The following INSL6 variants were observed in gnomAD, a reference collection of about 807,000 sequenced individuals.
INSL6 encodes insulin like 6, also known as insulin-like peptide INSL6.
INSL6 carries 16 observed loss-of-function variants against 9.4 expected under a neutral mutation model. That is an observed-to-expected ratio of 1.70 (90% confidence interval 1.15 to 2.59). The LOEUF (loss-of-function observed/expected upper bound fraction) is 2.59. Among genes scored for constraint, INSL6 ranks in the 30% most tolerant of loss-of-function variants. The pLI, the probability that INSL6 is intolerant of heterozygous loss-of-function variation, is 0.00. For missense variants in INSL6, 391 were observed against 257.3 expected (o/e 1.52, Z -3.56); for synonymous variants, 154 against 96.9 (o/e 1.59, Z -3.46).
chr9:5,047,675 G>C, the INSL6 span, among the ~76,000 whole-genome samples: 1 of 152,136 alleles, frequency 6.6e-6, no homozygotes, highest in Non-Finnish European at 1.5e-5. Flanking sequence ...TATAGAGATT[G>C]AACTCCTGGG....
chr9:5,097,631 T>A, the INSL6 span: 1 of 147,938 alleles, frequency 6.8e-6, no homozygotes, highest in African/African-American at 2.7e-5. Context: ...TTTAGCTGAT[T>A]AGCTACACTG....
chr9:5,086,096 A>G, the INSL6 span: 2 of 575,376 alleles, frequency 3.5e-6, no homozygotes, highest in Non-Finnish European at 6.5e-6. Flanking sequence ...CCTTCTGCCT[A>G]TGAGCCTGCG....
chr9:5,156,419 C>G (rs923730457), intron 2 of INSL6, among the ~76,000 whole-genome samples: 1 of 152,040 alleles, frequency 6.6e-6, no homozygotes, highest in African/African-American at 2.4e-5. Flanking sequence ...GATGCAAAAC[C>G]CCATTCCTAT....
downstream of INSL6, among the ~76,000 whole-genome samples, chr9:5,121,148 T>C (rs1209857803): frequency 6.6e-6 from 1 of 151,976 alleles, no homozygotes; most frequent in African/African-American, 2.4e-5. Context: ...GAAAACAAAA[T>C]CTTCCAACCC....
chr9:5,111,763 T>C, the INSL6 span: 1 of 422,290 alleles, frequency 2.4e-6, no homozygotes, highest in Non-Finnish European at 4.7e-6. Flanking sequence ...AAGTGAACGG[T>C]GGGCTTCCGG....
the INSL6 span, among the ~76,000 whole-genome samples, chr9:5,084,231 G>C: frequency 6.6e-6 from 1 of 152,072 alleles, no homozygotes; most frequent in African/African-American, 2.4e-5. Context: ...TCATTAGTCA[G>C]TCATAGATAT....
chr9:5,014,737 T>G, the INSL6 span, among the ~76,000 whole-genome samples: 1 of 152,334 alleles, frequency 6.6e-6, no homozygotes, highest in African/African-American at 2.4e-5. Context: ...AGAATAGATG[T>G]AACTTATATG....
At chr9:5,175,240 A>G (rs1293944060) in intron 1 of INSL6, among the ~76,000 whole-genome samples, 1 of 152,038 alleles carries the variant, frequency 6.6e-6, no homozygotes, top group Admixed American at 6.5e-5. Flanking sequence ...GCGTCTGGCC[A>G]TGGAGTCATT....
chr9:5,128,598 T>A (rs1824154020), intron 3 of INSL6, among the ~76,000 whole-genome samples: 1 of 151,926 alleles, frequency 6.6e-6, no homozygotes, highest in African/African-American at 2.4e-5. Context: ...GAACTAACTT[T>A]TCTTAAACAT....
chr9:5,025,401 A>G, the INSL6 span, among the ~76,000 whole-genome samples: 1 of 152,110 alleles, frequency 6.6e-6, no homozygotes, highest in Non-Finnish European at 1.5e-5. Context: ...CTCAAATATA[A>G]ATCTTGTCTG....
At chr9:5,021,771 C>T in the INSL6 span, among the ~76,000 whole-genome samples, 105 of 152,270 alleles carry the variant, frequency 6.9e-4, no homozygotes, top group African/African-American at 1.7e-3. Flanking sequence ...ACTACAAGTG[C>T]GTGCTGCCAC....
the INSL6 span, among the ~76,000 whole-genome samples, chr9:5,000,289 G>A: frequency 1.3e-5 from 2 of 152,016 alleles, no homozygotes; most frequent in African/African-American, 4.8e-5. Context: ...TTTTGGTATA[G>A]AAATAACTGA....
intron 2 of INSL6, among the ~76,000 whole-genome samples, chr9:5,157,877 G>C (rs772935534): frequency 6.6e-6 from 1 of 151,990 alleles, no homozygotes; most frequent in Non-Finnish European, 1.5e-5. Flanking sequence ...AATCCCACAG[G>C]GATAGAGTTA....
At chr9:5,033,024 G>C in the INSL6 span, among the ~76,000 whole-genome samples, 1 of 152,134 alleles carries the variant, frequency 6.6e-6, no homozygotes, top group Non-Finnish European at 1.5e-5. Context: ...TGGCTAACTA[G>C]AATAACCAAT....
chr9:5,149,796 T>C (rs1379419639), intron 2 of INSL6, among the ~76,000 whole-genome samples: 2 of 151,924 alleles, frequency 1.3e-5, no homozygotes, highest in Admixed American at 1.3e-4. Context: ...AAGCAAACAA[T>C]AAAATAAAAA....
the INSL6 span, among the ~76,000 whole-genome samples, chr9:5,032,498 G>A: frequency 1.3e-5 from 2 of 152,242 alleles, no homozygotes; most frequent in African/African-American, 4.8e-5. Flanking sequence ...GCACCCCCAA[G>A]TAGGGGGAGA....
the INSL6 span, among the ~76,000 whole-genome samples, chr9:5,103,326 G>T: frequency 7.1e-6 from 1 of 141,442 alleles, no homozygotes; most frequent in Non-Finnish European, 1.5e-5. Flanking sequence ...GACAAAAAAG[G>T]CCATTACATA....
chr9:5,099,016 A>G, the INSL6 span: 1 of 151,988 alleles, frequency 6.6e-6, no homozygotes. Flanking sequence ...TTCTTATATA[A>G]CCCCAACACC....
At chr9:5,048,958 T>C in the INSL6 span, among the ~76,000 whole-genome samples, 2 of 152,182 alleles carry the variant, frequency 1.3e-5, no homozygotes, top group Admixed American at 6.5e-5. Context: ...GTACTTCTGC[T>C]TTCTTTTTCT....
Sources: allele counts gnomAD v4.1 joint callset (sites outside exome capture counted in the v4.1 genomes callset), GRCh38; gene constraint gnomAD v4.1.1; transcripts MANE v1.5; gene names NCBI Gene and HGNC (gene_info 2026-07-23, HGNC 2026-07-21).